The following POU2F2 variants were observed in gnomAD, a reference collection of about 807,000 sequenced individuals.
The protein encoded by POU2F2 is POU class 2 homeobox 2.
Under a neutral mutation model 63.5 loss-of-function variants are expected in POU2F2, and 14 were observed. That is an observed-to-expected ratio of 0.22 (90% confidence interval 0.15 to 0.34). The LOEUF (loss-of-function observed/expected upper bound fraction) is 0.34, where lower values mean the gene tolerates loss of function less well. Among genes scored for constraint, POU2F2 ranks in the 10% least tolerant of loss-of-function variants. The probability of loss-of-function intolerance (pLI) is 1.00; values close to 1 mark genes in which losing one functional copy is unlikely to be tolerated. For missense variants in POU2F2, 607 were observed against 815.2 expected, an observed-to-expected ratio of 0.74 and a Z score of 3.11; for synonymous variants, 306 against 348.6, an observed-to-expected ratio of 0.88 and a Z score of 1.36.
chr19:42,180,726 T>C (rs979006959), upstream of POU2F2, among the ~76,000 whole-genome samples: 5 of 151,910 alleles, frequency 3.3e-5, no homozygotes, highest in East Asian at 3.9e-4. Context: ...GTTTGTCTGT[T>C]TGTTTGTTTG....
chr19:42,196,169 C>T (rs915555948), intron 1 of POU2F2, among the ~76,000 whole-genome samples: 17 of 152,298 alleles, frequency 1.1e-4, no homozygotes, highest in Admixed American at 3.3e-4. Flanking sequence ...GCTGTGTCCA[C>T]ATCATCACAG....
At chr19:42,158,962 C>A (rs144420247) in intron 2 of POU2F2, among the ~76,000 whole-genome samples, 2 of 152,300 alleles carry the variant, frequency 1.3e-5, no homozygotes, top group Non-Finnish European at 2.9e-5. Flanking sequence ...CATCCTGGAA[C>A]AAACACTCTC....
intron 2 of POU2F2, among the ~76,000 whole-genome samples, chr19:42,150,621 G>A (rs892565563): frequency 1.3e-5 from 2 of 150,250 alleles, no homozygotes; most frequent in African/African-American, 4.9e-5. Flanking sequence ...AGCGACCAGG[G>A]CCCGAGCCGC....
Position 42,162,531 on chromosome 19 carries a change from C to T in POU2F2, c.-69-2139G>A, listed in dbSNP as rs1012533034. Among the ~76,000 whole-genome samples, 1 of 152,188 alleles carries T rather than the reference C, an allele frequency of 6.6e-6. No individual in the cohort carries two copies. Among genetic ancestry groups the T allele is most frequent in the African/African-American group, 2.4e-5 (1 of 41,444 alleles). ...GAGCCAGAATTTGAACCTGATGTGT[C>T]TGACTCCAAAGCCTACATTTCCTGC... On this transcript the variant is annotated intron_variant, in intron 1 of 6. Transcript: ENST00000524801. The surrounding 1 kb of genome is among the most constrained non-coding windows in gnomAD (Gnocchi z 4.1).
At chr19:42,161,307 G>C (rs2034547271) in intron 1 of POU2F2, among the ~76,000 whole-genome samples, 2 of 152,172 alleles carry the variant, frequency 1.3e-5, no homozygotes, top group Admixed American at 1.3e-4. Context: ...TGCAGGGGCT[G>C]CTCCCTGCAG....
chr19:42,122,457 T>C (rs988441817), intron 2 of POU2F2, 54 bp downstream of exon 2: 6 of 1,608,872 alleles, frequency 3.7e-6, no homozygotes, highest in Non-Finnish European at 5.1e-6. Context: ...TTCCCATCTG[T>C]CCCACTTCCC....
In POU2F2 at chr19:42,125,686, C is replaced by T. The variant is rs116851976; in HGVS notation, c.29-3110G>A. On this transcript the variant is annotated intron_variant, in intron 1 of 14. Coordinates refer to ENST00000692977, the MANE Select transcript of POU2F2 (RefSeq NM_001394376.1). ...TGCAGCCCCAGCCTCCTCTGGCCTCCGTCCCTCCAGCGGAGCTCCACATTG... is the reference window on the plus strand; with the variant it reads ...TGCAGCCCCAGCCTCCTCTGGCCTCTGTCCCTCCAGCGGAGCTCCACATTG... 2.3e-3 allele frequency among the ~76,000 whole-genome samples: 347 copies of T among 152,360 alleles called. 8 individuals are homozygous for T. In the East Asian group the frequency reaches 0.055, roughly 24 times the overall value.
chr19:42,100,475 G>A (rs1255976144), intron 5 of POU2F2, among the ~76,000 whole-genome samples: 8 of 152,150 alleles, frequency 5.3e-5, no homozygotes, highest in Non-Finnish European at 1.0e-4. Flanking sequence ...GCCAGGCCGG[G>A]TGTGGTGACT....
chr19:42,183,304 C>G (rs548391213), intron 1 of POU2F2, among the ~76,000 whole-genome samples: 1 of 152,132 alleles, frequency 6.6e-6, no homozygotes, highest in Non-Finnish European at 1.5e-5. Flanking sequence ...CACAGCAACA[C>G]AGAAGTACCT....
chr19:42,194,480 C>T (rs575176390), intron 1 of POU2F2, among the ~76,000 whole-genome samples: 5 of 146,830 alleles, frequency 3.4e-5, no homozygotes, highest in Admixed American at 1.4e-4. Context: ...AGGAAGAGAT[C>T]GGGTGCCGTG....
chr19:42,133,367 T>G (rs1457024947), upstream of POU2F2: 2 of 150,412 alleles, frequency 1.3e-5, no homozygotes, highest in African/African-American at 2.4e-5. The surrounding 1 kb of genome is among the most constrained non-coding windows in gnomAD (Gnocchi z 5.1). Flanking sequence ...CCTGCGAGGG[T>G]CACACAAAGG....
chr19:42,107,177 A>G (rs1370872361), intron 5 of POU2F2, among the ~76,000 whole-genome samples: 1 of 152,040 alleles, frequency 6.6e-6, no homozygotes, highest in African/African-American at 2.4e-5. Context: ...GTGGAACCCC[A>G]TCTCTACCAA....
At chr19:42,154,757 GTC>G (rs913576323) in intron 2 of POU2F2, among the ~76,000 whole-genome samples, 20 of 149,024 alleles carry the variant, frequency 1.3e-4, no homozygotes, top group African/African-American at 4.9e-4. Context: ...CCAAAGTGAT[GTC>G]TCTCACACAC....
intron 2 of POU2F2, among the ~76,000 whole-genome samples, chr19:42,141,473 C>CTTTTT (rs58221767): frequency 1.1e-4 from 11 of 98,974 alleles, no homozygotes; most frequent in Non-Finnish European, 1.5e-4. Context: ...CTTAATTAAT[C>CTTTTT]TTTTTTTTTT....
intron 1 of POU2F2, among the ~76,000 whole-genome samples, chr19:42,185,915 C>T (rs75694591): frequency 0.08 from 12,105 of 152,144 alleles, 677 homozygotes; most frequent in South Asian, 0.18. Context: ...TTTGAGATGC[C>T]GTTTCACTCT....
chr19:42,100,346 C>T (rs1043378638), intron 5 of POU2F2, among the ~76,000 whole-genome samples: 1 of 151,888 alleles, frequency 6.6e-6, no homozygotes, highest in African/African-American at 2.4e-5. Flanking sequence ...GCCTTGGCCT[C>T]CCAAAGTGCT....
intron 1 of POU2F2, among the ~76,000 whole-genome samples, chr19:42,163,192 C>T (rs567251724): frequency 6.6e-6 from 1 of 152,162 alleles, no homozygotes; most frequent in South Asian, 2.1e-4. Flanking sequence ...AAACAGAGAA[C>T]CAGGAATGGC....
At position 42,169,447 on chromosome 19, in the gene POU2F2, CCT is replaced by C. The variant is rs753486387; in HGVS notation, c.-70+6514_-70+6515del. ...ACCTGTGTCTGAGTATGTGTTTACC[CCT>C]GTTTCCAAACCTGGTGTGTCCATTT... On this transcript the variant is annotated intron_variant, in intron 1 of 6. Transcript: ENST00000524801. This position sits in a 1 kb window ranked among gnomAD's most constrained non-coding sequence, Gnocchi z 4.3. 1.2e-4 allele frequency among the ~76,000 whole-genome samples: 18 copies of C among 152,296 alleles called. No individual in the cohort carries two copies. Among genetic ancestry groups the C allele is most frequent in the South Asian group, 4.1e-4 (2 of 4,828 alleles).
chr19:42,186,006 C>T (rs2035008221), intron 1 of POU2F2, among the ~76,000 whole-genome samples: 1 of 152,124 alleles, frequency 6.6e-6, no homozygotes, highest in Non-Finnish European at 1.5e-5. Flanking sequence ...CCTCCTGCCT[C>T]GGCCGCCCCA....
Sources: allele counts gnomAD v4.1 joint callset (sites outside exome capture counted in the v4.1 genomes callset), GRCh38; gene constraint gnomAD v4.1.1; non-coding constraint Gnocchi (gnomAD v3.1); transcripts MANE v1.5; gene names NCBI Gene and HGNC (gene_info 2026-07-23, HGNC 2026-07-21).